Variants in STAM observed in about 807,000 individuals in gnomAD.
STAM encodes signal transducing adaptor molecule.
Under a neutral mutation model 63.4 loss-of-function variants are expected in STAM, and 16 were observed. That is an observed-to-expected ratio of 0.25 (90% CI 0.17 to 0.38). The LOEUF is 0.38. Ranked by LOEUF, STAM falls within the 10% of genes least tolerant of loss-of-function variation. The probability of loss-of-function intolerance (pLI) is 1.00; values close to 1 mark genes in which losing one functional copy is unlikely to be tolerated. For missense variants in STAM, 636 were observed against 657.1 expected (o/e 0.97, Z 0.35); for synonymous variants, 238 against 223.9 (o/e 1.06, Z -0.56).
At chr10:17,702,497 A>G (rs1554828604) in intron 9 of STAM, among the ~76,000 whole-genome samples, 1 of 152,212 alleles carries the variant, frequency 6.6e-6, no homozygotes, top group Non-Finnish European at 1.5e-5. Flanking sequence ...TAAAATGTCA[A>G]CACTTAATGT....
chr10:17,663,756 T>C (rs1266270497), intron 2 of STAM, among the ~76,000 whole-genome samples: 1 of 152,100 alleles, frequency 6.6e-6, no homozygotes, highest in Non-Finnish European at 1.5e-5. Flanking sequence ...TCTAATATTA[T>C]TGAGGTTTTA....
chr10:17,668,750 C>A (rs1363958325), intron 2 of STAM, among the ~76,000 whole-genome samples: 1 of 152,186 alleles, frequency 6.6e-6, no homozygotes, highest in African/African-American at 2.4e-5. Flanking sequence ...TTTCACTTAC[C>A]AGTATGCATT....
intron 1 of STAM, among the ~76,000 whole-genome samples, chr10:17,648,237 A>G (rs1833593982): frequency 6.6e-6 from 1 of 152,222 alleles, no homozygotes; most frequent in South Asian, 2.1e-4. Flanking sequence ...TGTAAAATGC[A>G]CCGATCAGTG....
chr10:17,680,323 C>T (rs1239377073), intron 2 of STAM, among the ~76,000 whole-genome samples: 1 of 152,098 alleles, frequency 6.6e-6, no homozygotes, highest in African/African-American at 2.4e-5. Flanking sequence ...AAACTGTATA[C>T]CCATTAAACA....
At chr10:17,665,652 G>A (rs1834345807) in intron 2 of STAM, among the ~76,000 whole-genome samples, 1 of 151,592 alleles carries the variant, frequency 6.6e-6, no homozygotes, top group South Asian at 2.1e-4. Flanking sequence ...TTGGTTAGTG[G>A]CATGTAGAAT....
At position 17,669,707 on chromosome 10, in the gene STAM, T is replaced by C. The variant is rs182013596; in HGVS notation, c.125+9159T>C. Among the ~76,000 whole-genome samples the C allele has an allele frequency of 4.0e-5, 6 of 150,800 alleles. No individual in the cohort carries two copies. The East Asian group carries it at 9.7e-4, about 24-fold the overall frequency. On this transcript the variant is annotated intron_variant, in intron 2 of 13. Coordinates refer to ENST00000377524, the MANE Select transcript of STAM (RefSeq NM_003473.4). ...CCTTCTTTTTCTTTCTTTCTTTTTT[T>C]TTTTTTCTGAGATGGAGTCTCGCTC...
intron 2 of STAM, among the ~76,000 whole-genome samples, chr10:17,670,569 T>A (rs1451280315): frequency 1.3e-5 from 2 of 152,226 alleles, no homozygotes; most frequent in African/African-American, 4.8e-5. Flanking sequence ...ACATTGTGTT[T>A]TGTTTGACTG....
chr10:17,667,116 C>T (rs1834421130), intron 2 of STAM, among the ~76,000 whole-genome samples: 2 of 115,994 alleles, frequency 1.7e-5, no homozygotes, highest in African/African-American at 6.8e-5. Flanking sequence ...AGTGTTCCAG[C>T]AGAGTTAAAT....
At position 17,681,204 on chromosome 10, in the gene STAM, T is replaced by TC. The variant is rs1427650220; in HGVS notation, c.126-3471_126-3470insC. On this transcript the variant is annotated intron_variant, in intron 2 of 13. Transcript: ENST00000377524. Reference sequence around the variant, plus strand: ...AGGTGGTATTGAGATCGTCTTTTTTTTTTTTTTTTTTAATGTAGGTGCTTA... The same window carrying TC: ...AGGTGGTATTGAGATCGTCTTTTTTTCTTTTTTTTTTTAATGTAGGTGCTTA... Among the ~76,000 whole-genome samples, 86 of 151,282 alleles carry TC rather than the reference T, an allele frequency of 5.7e-4. 1 individual carries two copies. Among genetic ancestry groups the TC allele is most frequent in the African/African-American group, 2.1e-3 (86 of 41,334 alleles).
At chr10:17,684,553 A>T (rs912994385) in intron 2 of STAM, 122 bp from the exon 3 acceptor site, 2 of 668,848 alleles carry the variant, frequency 3.0e-6, no homozygotes, top group African/African-American at 3.8e-5. Context: ...ATTAATAAAA[A>T]TTAAATTTCC....
At chr10:17,703,015 AAAAAAAAAAAAAGAAAAG>A (rs1382683076) in intron 9 of STAM, among the ~76,000 whole-genome samples, 2 of 145,438 alleles carry the variant, frequency 1.4e-5, no homozygotes, top group Non-Finnish European at 1.5e-5. Flanking sequence ...TCTCAAAAAA[AAAAAAAAAAAAAGAAAAG>A]AAAAGAAAAG....
At chr10:17,686,379 T>G (rs1375191670) in intron 4 of STAM, among the ~76,000 whole-genome samples, 1 of 107,550 alleles carries the variant, frequency 9.3e-6, no homozygotes, top group Non-Finnish European at 2.1e-5. Context: ...ACATCCCGCC[T>G]TTTTTTTTTT....
intron 1 of STAM, among the ~76,000 whole-genome samples, chr10:17,646,359 C>T (rs539437101): frequency 1.6e-4 from 25 of 152,270 alleles, no homozygotes; most frequent in African/African-American, 4.8e-4. Context: ...TTGCTAAATG[C>T]CCCCTGGAAG....
intron 1 of STAM, among the ~76,000 whole-genome samples, chr10:17,650,719 T>C (rs1042259710): frequency 6.6e-6 from 1 of 152,144 alleles, no homozygotes; most frequent in Non-Finnish European, 1.5e-5. Flanking sequence ...TCCAGATGGC[T>C]GATGGTGATA....
chr10:17,660,448 C>T lies in STAM; in HGVS notation c.41-16C>T. On this transcript the variant is annotated splice_polypyrimidine_tract_variant and intron_variant, in intron 1 of 13. Transcript: ENST00000377524. Reference sequence around the variant, plus strand: ...TTGAAAAATAATGTTTCTGCAATCCCCTTTACAATCTACAGAGAAAGCAAC... The same window carrying T: ...TTGAAAAATAATGTTTCTGCAATCCTCTTTACAATCTACAGAGAAAGCAAC... 2.6e-6 allele frequency: 4 copies of T among 1,541,794 alleles called. No individual in the cohort carries two copies. Among genetic ancestry groups the T allele is most frequent in the Non-Finnish European group, 2.6e-6 (3 of 1,138,508 alleles).
At chr10:17,684,950 A>G (rs1442609047) in intron 4 of STAM, 23 bp downstream of exon 4, 1 of 1,563,566 alleles carries the variant, frequency 6.4e-7, no homozygotes, top group Non-Finnish European at 8.8e-7. Flanking sequence ...ATTTCCAGAA[A>G]TTAATTAAGG....
intron 2 of STAM, among the ~76,000 whole-genome samples, chr10:17,679,263 G>C (rs1834982715): frequency 6.6e-6 from 1 of 152,124 alleles, no homozygotes; most frequent in Non-Finnish European, 1.5e-5. Context: ...CCAGCCTAGT[G>C]AGTGTGAAGT....
chr10:17,677,211 ATG>A (rs1589059528), intron 2 of STAM, among the ~76,000 whole-genome samples: 1 of 152,320 alleles, frequency 6.6e-6, no homozygotes, highest in Non-Finnish European at 1.5e-5. Context: ...CAACATAGGA[ATG>A]TCTAAAATAA....
chr10:17,696,189 AAT>A (rs572760503), intron 7 of STAM: 1 of 152,030 alleles, frequency 6.6e-6, no homozygotes, highest in South Asian at 2.1e-4. Context: ...AGTGGAAGAA[AAT>A]AAAGTTTGAG....
Sources: allele counts gnomAD v4.1 joint callset (sites outside exome capture counted in the v4.1 genomes callset), GRCh38; gene constraint gnomAD v4.1.1; transcripts MANE v1.5; gene names NCBI Gene and HGNC (gene_info 2026-07-23, HGNC 2026-07-21).